Variants in TNRC6B observed in about 807,000 individuals in gnomAD.
TNRC6B encodes trinucleotide repeat containing adaptor 6B.
A neutral mutation model predicts 203.6 loss-of-function variants in TNRC6B; 52 were observed. The observed-to-expected ratio is 0.26, with a 90% confidence interval of 0.20 to 0.32. The LOEUF (loss-of-function observed/expected upper bound fraction) is 0.32, where lower values mean the gene tolerates loss of function less well. Ranked by LOEUF, TNRC6B falls within the 10% of genes least tolerant of loss-of-function variation. TNRC6B has a pLI of 1.00. For synonymous variants in TNRC6B, 838 were observed against 845.7 expected (o/e 0.99, Z 0.16); for missense variants, 1,923 against 2,286.2 (o/e 0.84, Z 3.24).
At chr22:40,215,010 A>G (rs548008513) in intron 1 of TNRC6B, among the ~76,000 whole-genome samples, 1 of 152,016 alleles carries the variant, frequency 6.6e-6, no homozygotes, top group East Asian at 1.9e-4. Flanking sequence ...TTTTCTGTGC[A>G]ATGATTTGTT....
chr22:40,090,914 A>G (rs1180099058), intron 1 of TNRC6B, among the ~76,000 whole-genome samples: 1 of 152,234 alleles, frequency 6.6e-6, no homozygotes, highest in African/African-American at 2.4e-5. Context: ...GATCACATCA[A>G]AAGAACCAAA....
At chr22:40,282,632 G>A (rs2070733071) in intron 11 of TNRC6B, among the ~76,000 whole-genome samples, 1 of 152,112 alleles carries the variant, frequency 6.6e-6, no homozygotes, top group African/African-American at 2.4e-5. Context: ...CAAACTAGCC[G>A]AGCATTAGGC....
chr22:40,061,285 G>A (rs1256862416), intron 1 of TNRC6B, among the ~76,000 whole-genome samples: 1 of 152,098 alleles, frequency 6.6e-6, no homozygotes, highest in East Asian at 1.9e-4. Flanking sequence ...TGTGATCTTG[G>A]CTCACTGCAA....
At chr22:40,068,984 A>G (rs780194749) in intron 1 of TNRC6B, among the ~76,000 whole-genome samples, 1 of 152,172 alleles carries the variant, frequency 6.6e-6, no homozygotes, top group Non-Finnish European at 1.5e-5. Flanking sequence ...AGAATTCCAT[A>G]CATACTATTT....
chr22:40,256,665 G>A (rs1225531714), intron 3 of TNRC6B, among the ~76,000 whole-genome samples: 3 of 152,170 alleles, frequency 2.0e-5, no homozygotes, highest in African/African-American at 7.2e-5. Context: ...GAGTTGAGTT[G>A]TTGTGATGAA....
At chr22:40,269,522 A>G (rs2070530230) in intron 5 of TNRC6B, among the ~76,000 whole-genome samples, 7 of 152,016 alleles carry the variant, frequency 4.6e-5, no homozygotes, top group Admixed American at 4.6e-4. Context: ...AATTTTTTCT[A>G]TCAGTGATGC....
At chr22:40,057,526 C>T (rs1302795221) in intron 1 of TNRC6B, among the ~76,000 whole-genome samples, 1 of 152,076 alleles carries the variant, frequency 6.6e-6, no homozygotes, top group Non-Finnish European at 1.5e-5. Context: ...CTCCTGACCT[C>T]AGGTGATCCG....
chr22:40,266,317 G>A lies in TNRC6B; in HGVS notation c.2087G>A (p.Gly696Glu), dbSNP rs760015503. ...STEWKDPKNTGGWNDYKNNNS... is the reference protein window; with the variant it reads ...STEWKDPKNTEGWNDYKNNNS... ...GAGTGGAAAGACCCCAAGAACACAG[G>A]AGGCTGGAATGACTACAAGAACAAC... The change falls in exon 5 of 23, where the codon GGA (glycine) becomes GAA (glutamate). Residue 696 changes from glycine to glutamate, a missense_variant. By Grantham distance (98) the Gly-to-Glu change is moderately conservative (BLOSUM62 -2). This residue lies in a region of TNRC6B where 599 missense variants were observed against 656.5 expected (regional missense o/e 0.91). Transcript: ENST00000454349. The A allele has an allele frequency of 1.3e-6, 2 of 1,599,444 alleles. No homozygotes were observed. The highest frequency in any genetic ancestry group is 4.5e-5 in the East Asian group (2 of 44,404).
chr22:40,241,797 A>G (rs1002827343), intron 1 of TNRC6B, among the ~76,000 whole-genome samples: 2 of 152,106 alleles, frequency 1.3e-5, no homozygotes, highest in South Asian at 2.1e-4. Context: ...CCTCATTTCA[A>G]TTTATTCATT....
At chr22:40,092,438 T>TGTA (rs1164587708) in intron 1 of TNRC6B, among the ~76,000 whole-genome samples, 1 of 152,090 alleles carries the variant, frequency 6.6e-6, no homozygotes, top group African/African-American at 2.4e-5. Flanking sequence ...TCTATAATAT[T>TGTA]GTAATTATTG....
intron 21 of TNRC6B, among the ~76,000 whole-genome samples, chr22:40,317,555 C>T (rs145719611): frequency 7.2e-5 from 11 of 152,068 alleles, no homozygotes; most frequent in African/African-American, 1.9e-4. Flanking sequence ...TCCAGCCTGG[C>T]GACAGAGCGA....
intron 6 of TNRC6B, among the ~76,000 whole-genome samples, chr22:40,272,727 T>A (rs1184115780): frequency 2.0e-5 from 3 of 152,222 alleles, no homozygotes; most frequent in Non-Finnish European, 4.4e-5. Context: ...CCTCTTGGAT[T>A]TCTCTCTGCT....
chr22:40,234,599 T>G (rs974647316), intron 1 of TNRC6B, among the ~76,000 whole-genome samples: 3 of 152,224 alleles, frequency 2.0e-5, no homozygotes, highest in Non-Finnish European at 2.9e-5. Flanking sequence ...GGTAACACAA[T>G]GTAGAAGGAA....
chr22:40,219,983 A>G (rs1305492289), intron 1 of TNRC6B, among the ~76,000 whole-genome samples: 1 of 152,176 alleles, frequency 6.6e-6, no homozygotes, highest in Non-Finnish European at 1.5e-5. Flanking sequence ...CGCATGGGGG[A>G]AAAACGGGTT....
chr22:40,170,591 T>TATATATAGTTTATATATATATTA lies in TNRC6B; in HGVS notation c.113+14409_113+14410insATATATAGTTTATATATATATTA, dbSNP rs1555886856. Among the ~76,000 whole-genome samples, 7 of 16,528 alleles carry TATATATAGTTTATATATATATTA rather than the reference T, an allele frequency of 4.2e-4. No homozygotes were observed. The African/African-American group carries it at 9.7e-3, about 23-fold the overall frequency. The allele number at this position is 16,528 out of a possible 152,430, so 10.8% of individuals were successfully genotyped here. A position where few individuals can be genotyped will look rare whatever the true frequency, so the allele number is the denominator to read the frequency against. ...ATTATATATATAGTTTATATATATA[T>TATATATAGTTTATATATATATTA]TATATATAGTTTATATATATCCTAT... On this transcript the variant is annotated intron_variant, in intron 4 of 23. Transcript: ENST00000301923.
intron 21 of TNRC6B, among the ~76,000 whole-genome samples, chr22:40,317,362 G>A (rs971450860): frequency 3.3e-5 from 5 of 152,222 alleles, no homozygotes; most frequent in Non-Finnish European, 7.4e-5. Flanking sequence ...GATGGATCAC[G>A]AGGTCAAGAG....
At chr22:40,173,973 T>C (rs2069031835), upstream of TNRC6B, among the ~76,000 whole-genome samples, 1 of 149,416 alleles carries the variant, frequency 6.7e-6, no homozygotes, top group African/African-American at 2.5e-5. Flanking sequence ...CCAGCTAAAT[T>C]TTGTATTTTG....
chr22:40,261,352 G>A (rs1030129218), intron 3 of TNRC6B, among the ~76,000 whole-genome samples: 3 of 152,252 alleles, frequency 2.0e-5, no homozygotes, highest in East Asian at 3.9e-4. Context: ...GCCAAGGCAG[G>A]CGGATCATGA....
At chr22:40,214,153 G>T (rs1203725013) in intron 1 of TNRC6B, among the ~76,000 whole-genome samples, 2 of 152,162 alleles carry the variant, frequency 1.3e-5, no homozygotes, top group African/African-American at 2.4e-5. Flanking sequence ...TGTAGCCCCA[G>T]CTACTCGGGA....
Sources: allele counts gnomAD v4.1 joint callset (sites outside exome capture counted in the v4.1 genomes callset), GRCh38; gene constraint gnomAD v4.1.1; regional missense constraint gnomAD v4.1.1; transcripts MANE v1.5; gene names NCBI Gene and HGNC (gene_info 2026-07-23, HGNC 2026-07-21).